The following IL7 variants were observed in gnomAD, a reference collection of about 807,000 sequenced individuals.
The protein encoded by IL7 is interleukin 7, also known as interleukin-7.
Under a neutral mutation model 21.6 loss-of-function variants are expected in IL7, and 3 were observed. That is an observed-to-expected ratio of 0.14 (90% CI 0.06 to 0.36). The LOEUF (loss-of-function observed/expected upper bound fraction) is 0.36. Among genes scored for constraint, IL7 ranks in the 10% least tolerant of loss-of-function variants. IL7 has a pLI of 1.00. For synonymous variants in IL7, 62 were observed against 68.1 expected, an observed-to-expected ratio of 0.91 and a Z score of 0.44; for missense variants, 175 against 200.2, an observed-to-expected ratio of 0.87 and a Z score of 0.76.
intron 3 of IL7, among the ~76,000 whole-genome samples, chr8:78,698,911 C>T (rs1299049004): frequency 6.6e-6 from 1 of 152,098 alleles, no homozygotes; most frequent in Non-Finnish European, 1.5e-5. Context: ...CAGAGAAGCT[C>T]AGTTTGCTCA....
rs1159413668 is a variant in IL7, at chr8:78,752,679, T to C, written c.148-12597A>G. ...TAACATAGGTATACATGTGCCATGG[T>C]GGTTTGTTGCACCCGTCAACCCGTC... On this transcript the variant is annotated intron_variant, in intron 2 of 5. Coordinates refer to ENST00000263851, the MANE Select transcript of IL7 (RefSeq NM_000880.4). 2.0e-5 allele frequency among the ~76,000 whole-genome samples: 3 copies of C among 152,266 alleles called. No homozygotes were observed. The East Asian group carries it at 5.8e-4, about 29-fold the overall frequency.
At chr8:78,786,623 C>G (rs1221099389) in intron 2 of IL7, among the ~76,000 whole-genome samples, 1 of 152,164 alleles carries the variant, frequency 6.6e-6, no homozygotes, top group Non-Finnish European at 1.5e-5. Context: ...AATATTGCAA[C>G]TCCATTATAA....
intron 2 of IL7, among the ~76,000 whole-genome samples, chr8:78,793,112 C>A (rs1050045497): frequency 2.0e-5 from 3 of 151,966 alleles, no homozygotes; most frequent in African/African-American, 7.3e-5. Context: ...CTAAGGCAAA[C>A]AAGATCAATA....
rs1812627624 is a variant in IL7, at chr8:78,762,939, G to A, written c.148-22857C>T. Among the ~76,000 whole-genome samples, 3 of 152,164 alleles carry A rather than the reference G, an allele frequency of 2.0e-5. No homozygotes were observed. The South Asian group carries it at 6.2e-4, about 32-fold the overall frequency. Reference sequence around the variant, plus strand: ...ATAGAGAAAGACTTTTCCTGTAGCTGTAATTATAGTATTGTTTGGGGAAGA... The same window carrying A: ...ATAGAGAAAGACTTTTCCTGTAGCTATAATTATAGTATTGTTTGGGGAAGA... On this transcript the variant is annotated intron_variant, in intron 2 of 5. Coordinates refer to ENST00000263851, the MANE Select transcript of IL7 (RefSeq NM_000880.4).
chr8:78,700,122 G>T (rs536435980), intron 3 of IL7, among the ~76,000 whole-genome samples: 47 of 152,178 alleles, frequency 3.1e-4, no homozygotes, highest in African/African-American at 1.1e-3. Flanking sequence ...AACCTCACCA[G>T]TGTCTGTTAT....
At chr8:78,720,769 TCAAGCATATCACTTATGGA>T (rs1216116277) in intron 5 of IL7, among the ~76,000 whole-genome samples, 1 of 151,944 alleles carries the variant, frequency 6.6e-6, no homozygotes, top group Non-Finnish European at 1.5e-5. Context: ...ATTATGCATC[TCAAGCATATCACTTATGGA>T]CAATACATGG....
chr8:78,785,526 T>C (rs559659166), intron 2 of IL7, among the ~76,000 whole-genome samples: 1 of 152,350 alleles, frequency 6.6e-6, no homozygotes, highest in East Asian at 1.9e-4. Flanking sequence ...TGTATAATAT[T>C]TTTTCATCTC....
intron 1 of IL7, among the ~76,000 whole-genome samples, chr8:78,803,138 T>C (rs767245289): frequency 6.6e-6 from 1 of 152,202 alleles, no homozygotes; most frequent in Non-Finnish European, 1.5e-5. Context: ...TTCTCCTTTA[T>C]GCTTGTTCAG....
At chr8:78,744,684 T>TAA (rs1336856029) in intron 2 of IL7, among the ~76,000 whole-genome samples, 2 of 152,216 alleles carry the variant, frequency 1.3e-5, no homozygotes, top group Non-Finnish European at 2.9e-5. Context: ...GAGTTGCAGT[T>TAA]ACTTTTGCCG....
downstream of IL7, among the ~76,000 whole-genome samples, chr8:78,731,620 A>C (rs959297087): frequency 7.9e-5 from 12 of 151,956 alleles, no homozygotes; most frequent in African/African-American, 2.9e-4. Flanking sequence ...ATTTAAATAT[A>C]TATTTAAAAG....
intron 3 of IL7, chr8:78,698,514 G>A: frequency 6.3e-7 from 1 of 1,596,426 alleles, no homozygotes. Context: ...CTCATGCAGG[G>A]TAAGTCTACA....
intron 2 of IL7, among the ~76,000 whole-genome samples, chr8:78,783,773 C>A (rs76768622): frequency 0.01 from 1,540 of 152,072 alleles, 12 homozygotes; most frequent in Non-Finnish European, 0.015. Flanking sequence ...TGGATATATT[C>A]GAAGATTCTA....
chr8:78,678,692 C>T, intron 4 of IL7: 1 of 1,570,322 alleles, frequency 6.4e-7, no homozygotes, highest in Non-Finnish European at 8.7e-7. Flanking sequence ...AACTATATAA[C>T]CTTTTGAACA....
chr8:78,700,079 C>A (rs916545378), intron 3 of IL7, among the ~76,000 whole-genome samples: 4 of 152,200 alleles, frequency 2.6e-5, no homozygotes, highest in African/African-American at 4.8e-5. Flanking sequence ...TACATTCCCA[C>A]CAGCAATGTA....
chr8:78,688,045 C>T (rs940096287), intron 3 of IL7, among the ~76,000 whole-genome samples: 7 of 149,592 alleles, frequency 4.7e-5, no homozygotes, highest in Admixed American at 2.0e-4. Flanking sequence ...TTTACAAAGA[C>T]AGGCAACAGG....
chr8:78,770,896 ACTC>A (rs1200398884), intron 2 of IL7, among the ~76,000 whole-genome samples: 1 of 151,870 alleles, frequency 6.6e-6, no homozygotes, highest in Non-Finnish European at 1.5e-5. Flanking sequence ...ATGGAGATAA[ACTC>A]CTCTGAAAGC....
In IL7 at chr8:78,748,019, A is replaced by G. The variant is rs189822175; in HGVS notation, c.148-7937T>C. Among the ~76,000 whole-genome samples the G allele has an allele frequency of 9.2e-5, 14 of 152,338 alleles. 1 individual carries two copies. In the East Asian group the frequency reaches 2.5e-3, roughly 27 times the overall value. On this transcript the variant is annotated intron_variant, in intron 2 of 5. Transcript: ENST00000263851. ...TGACTACTTTGAAGAGAGAGGGATC[A>G]TGGCCTGTATGTGGCTAGAAAGAAG...
intron 2 of IL7, among the ~76,000 whole-genome samples, chr8:78,759,064 C>A (rs1016254116): frequency 6.6e-6 from 1 of 150,422 alleles, no homozygotes; most frequent in African/African-American, 2.5e-5. Context: ...TATTCCCCCC[C>A]CCACCTTTTT....
chr8:78,707,478 C>T (rs1810809738), intron 3 of IL7, among the ~76,000 whole-genome samples: 1 of 152,174 alleles, frequency 6.6e-6, no homozygotes, highest in Non-Finnish European at 1.5e-5. Flanking sequence ...TCTGGTTAGA[C>T]CTTGACAACT....
Sources: gnomAD v4.1 joint callset for allele counts (sites outside exome capture counted in the v4.1 genomes callset) on GRCh38, gnomAD v4.1.1 for gene constraint, MANE v1.5 for transcripts, NCBI Gene and HGNC (gene_info 2026-07-23, HGNC 2026-07-21) for gene names.